The following CACNA1C variants were observed in gnomAD, a reference collection of about 807,000 sequenced individuals.
The protein encoded by CACNA1C is calcium voltage-gated channel subunit alpha1 C.
Under a neutral mutation model 229.0 loss-of-function variants are expected in CACNA1C, and 30 were observed. That is an observed-to-expected ratio of 0.13 (90% CI 0.10 to 0.18). CACNA1C has a LOEUF of 0.18. CACNA1C is among the 10% of genes least tolerant of loss of function. The pLI is 1.00. For missense variants in CACNA1C, 1,658 were observed against 2,845.0 expected (o/e 0.58, Z 9.49); for synonymous variants, 1,114 against 1,132.5 (o/e 0.98, Z 0.33).
rs557920571 is a variant in CACNA1C, at chr12:2,247,663, CA to C, written c.477+127236del. Among the ~76,000 whole-genome samples the C allele has an allele frequency of 1.6e-3, 241 of 152,292 alleles. 1 individual carries two copies. Among genetic ancestry groups the C allele is most frequent in the African/African-American group, 5.6e-3 (232 of 41,572 alleles). On this transcript the variant is annotated intron_variant, in intron 3 of 46. Coordinates refer to ENST00000399655, the MANE Select transcript of CACNA1C (RefSeq NM_000719.7). ...CCCTATGGACGATGGCAAGATTTTG[CA>C]AAGGGACAAAAGGAAACTTTTGCTG...
chr12:2,496,847 G>A (rs578177290), intron 7 of CACNA1C, among the ~76,000 whole-genome samples: 1 of 152,326 alleles, frequency 6.6e-6, no homozygotes, highest in East Asian at 1.9e-4. Flanking sequence ...CGGGTTTGGT[G>A]TATAGTTTCC....
At chr12:2,627,066 C>G (rs555606032) in intron 29 of CACNA1C, among the ~76,000 whole-genome samples, 1 of 152,272 alleles carries the variant, frequency 6.6e-6, no homozygotes, top group South Asian at 2.1e-4. Flanking sequence ...TCGCCTCCAC[C>G]CGCCTGGGGT....
At chr12:2,112,978 G>T (rs1318690718) in intron 1 of CACNA1C, among the ~76,000 whole-genome samples, 1 of 151,774 alleles carries the variant, frequency 6.6e-6, no homozygotes. Flanking sequence ...TTTTTCGGTT[G>T]CAAGGGACAG....
intron 3 of CACNA1C, among the ~76,000 whole-genome samples, chr12:2,294,041 T>C (rs1034124274): frequency 6.6e-6 from 1 of 152,230 alleles, no homozygotes; most frequent in East Asian, 1.9e-4. Context: ...GCACTAGTTA[T>C]TCAAAGGAAG....
At chr12:2,033,137 C>A (rs2048509107) in intron 1 of CACNA1C, among the ~76,000 whole-genome samples, 1 of 152,190 alleles carries the variant, frequency 6.6e-6, no homozygotes, top group Non-Finnish European at 1.5e-5. Context: ...CATTCCACTT[C>A]CAGAGGGGAG....
At chr12:2,081,463 C>T (rs981892759) in intron 1 of CACNA1C, among the ~76,000 whole-genome samples, 6 of 151,774 alleles carry the variant, frequency 4.0e-5, no homozygotes, top group Admixed American at 6.6e-5. Flanking sequence ...CCCCGCTACT[C>T]GGGAGGCTGA....
chr12:2,059,018 C>A (rs2056390497), intron 1 of CACNA1C, among the ~76,000 whole-genome samples: 1 of 152,104 alleles, frequency 6.6e-6, no homozygotes, highest in South Asian at 2.1e-4. Flanking sequence ...AGCTGTTTAT[C>A]ATGGCAGGAA....
chr12:2,349,599 A>G (rs1053827043), intron 3 of CACNA1C, among the ~76,000 whole-genome samples: 1 of 152,012 alleles, frequency 6.6e-6, no homozygotes, highest in African/African-American at 2.4e-5. Flanking sequence ...TGGCATTGCC[A>G]TGGGTGTGAA....
intron 9 of CACNA1C, among the ~76,000 whole-genome samples, chr12:2,516,979 G>A (rs141781782): frequency 2.7e-4 from 41 of 152,316 alleles, no homozygotes; most frequent in African/African-American, 9.4e-4. Context: ...ACTGATGTTT[G>A]GAGATTGGGA....
At chr12:2,016,176 A>G (rs1389906234) in intron 1 of CACNA1C, among the ~76,000 whole-genome samples, 2 of 152,302 alleles carry the variant, frequency 1.3e-5, no homozygotes, top group South Asian at 2.1e-4. Context: ...AATCATTCAT[A>G]TATTTGTTCA....
chr12:2,147,335 C>T (rs1209924776), intron 3 of CACNA1C, among the ~76,000 whole-genome samples: 1 of 151,324 alleles, frequency 6.6e-6, no homozygotes, highest in African/African-American at 2.4e-5. Flanking sequence ...CTGTTTCAGC[C>T]AGGCCAGGCT....
At chr12:2,360,173 CA>C (rs2097522998) in intron 3 of CACNA1C, among the ~76,000 whole-genome samples, 15 of 113,702 alleles carry the variant, frequency 1.3e-4, no homozygotes, top group African/African-American at 3.6e-4. Context: ...CCCACCCCCC[CA>C]CCCCACACAC....
intron 3 of CACNA1C, among the ~76,000 whole-genome samples, chr12:2,272,064 C>T (rs931047592): frequency 2.0e-5 from 3 of 152,128 alleles, no homozygotes. Flanking sequence ...GGACTAGTAT[C>T]CCCCAGTGTT....
chr12:2,080,600 CA>C (rs763866651), intron 1 of CACNA1C, among the ~76,000 whole-genome samples: 1 of 36,710 alleles, frequency 2.7e-5, no homozygotes, highest in South Asian at 8.0e-4. Flanking sequence ...GACTCTGTCT[CA>C]AAAAAAAAAA....
chr12:2,492,850 A>G (rs2099739043), intron 6 of CACNA1C, among the ~76,000 whole-genome samples: 1 of 152,222 alleles, frequency 6.6e-6, no homozygotes, highest in African/African-American at 2.4e-5. Context: ...TGGTGGCATC[A>G]TCATTATTTT....
intron 3 of CACNA1C, among the ~76,000 whole-genome samples, chr12:2,185,153 C>T (rs11831593): frequency 0.019 from 2,918 of 152,316 alleles, 83 homozygotes; most frequent in African/African-American, 0.066. Context: ...GTTCCTATTT[C>T]CCTGGCTTTT....
chr12:2,120,409 C>T lies in CACNA1C; in HGVS notation c.456C>T (p.Ser152=), dbSNP rs776532518. Reference sequence around the variant, plus strand: ...ATATTCCCTTTCCAGAAGATGATTCCAACGCCACCAATTCCAACCTGGTAA... The same window carrying T: ...ATATTCCCTTTCCAGAAGATGATTCTAACGCCACCAATTCCAACCTGGTAA... ...AIYIPFPEDD[S]NATNSNLERV... is the part of the protein sequence containing the mutation. The change falls in exon 3 of 47, where the codon TCC becomes TCT. Residue 152 remains serine, a synonymous_variant. Coordinates refer to ENST00000399655, the MANE Select transcript of CACNA1C (RefSeq NM_000719.7). 1 of 1,605,836 alleles carries T rather than the reference C, an allele frequency of 6.2e-7. No homozygotes were observed.
chr12:1,998,880 T>C (rs931227233), intron 1 of CACNA1C, among the ~76,000 whole-genome samples: 1 of 152,224 alleles, frequency 6.6e-6, no homozygotes, highest in Non-Finnish European at 1.5e-5. Flanking sequence ...TTATTATTAA[T>C]ATTCATCACC....
At chr12:2,681,432 C>T (rs1249720556) in intron 42 of CACNA1C, among the ~76,000 whole-genome samples, 1 of 152,196 alleles carries the variant, frequency 6.6e-6, no homozygotes, top group East Asian at 1.9e-4. Context: ...GGAGCATAGC[C>T]CACGTCCCAG....
Sources: allele counts gnomAD v4.1 joint callset (sites outside exome capture counted in the v4.1 genomes callset), GRCh38; gene constraint gnomAD v4.1.1; transcripts MANE v1.5; gene names NCBI Gene and HGNC (gene_info 2026-07-23, HGNC 2026-07-21).